ZNF142: variants seen among roughly 807,000 people sequenced by gnomAD.
The protein encoded by ZNF142 is zinc finger protein 142 (clone pHZ-49).
Under a neutral mutation model 132.1 loss-of-function variants are expected in ZNF142, and 96 were observed. That is an observed-to-expected ratio of 0.73 (90% CI 0.62 to 0.86). The LOEUF is 0.86. Ranked by LOEUF, ZNF142 falls within the 40% of genes least tolerant of loss-of-function variation. The pLI, the probability that ZNF142 is intolerant of heterozygous loss-of-function variation, is 0.00. For synonymous variants in ZNF142, 842 were observed against 890.1 expected, an observed-to-expected ratio of 0.95 and a Z score of 0.96; for missense variants, 2,163 against 2,336.2, an observed-to-expected ratio of 0.93 and a Z score of 1.53.
chr2:218,638,399 C>G lies in ZNF142; in HGVS notation c.5604G>C (p.Val1868=). The change falls in exon 11 of 11, where the codon GTG becomes GTC. Residue 1868 remains valine (V), a synonymous_variant. Transcript: ENST00000411696. The part of the protein sequence containing the change: ...PTTPTVHLHD[V]QLEDPSPPAP... ...CAGGAGGGCTGGGATCCTCCAGCTGCACATCATGCAGGTGCACTGTGGGGG... is the reference window on the plus strand; with the variant it reads ...CAGGAGGGCTGGGATCCTCCAGCTGGACATCATGCAGGTGCACTGTGGGGG... 2 of 1,535,428 alleles carry G rather than the reference C, an allele frequency of 1.3e-6. No homozygotes were observed. The highest frequency in any genetic ancestry group is 2.5e-5 in the South Asian group (2 of 78,834).
rs1937708912 is a variant in ZNF142, at chr2:218,648,976, T to C, written c.1532A>G (p.His511Arg). The change falls in exon 7 of 11, where the codon CAT (histidine) becomes CGT (arginine). Residue 511 changes from histidine to arginine, a missense_variant. Physicochemically the swap from His to Arg is conservative, Grantham distance 29. This residue lies in a region of ZNF142 where 749 missense variants were observed against 830.3 expected (regional missense o/e 0.90). Transcript: ENST00000411696. ...GCGGCACTCCACAGCCCGCACCCCA[T>C]GGGTCTCCTTCAGGTGCTTAATGAA... ...KAFIKHLKET[H>R]GVRAVECRHH... 1.9e-6 allele frequency: 3 copies of C among 1,612,152 alleles called. No homozygotes were observed. The highest frequency in any genetic ancestry group is 2.5e-6 in the Non-Finnish European group (3 of 1,180,010).
chr2:218,644,690 T>C lies in ZNF142; in HGVS notation c.2426A>G (p.Tyr809Cys), dbSNP rs1697578085. 6.2e-7 allele frequency: 1 copy of C among 1,614,198 alleles called. No individual in the cohort carries two copies. The highest frequency in any genetic ancestry group is 2.2e-5 in the East Asian group (1 of 44,880). The change falls in exon 9 of 11, where the codon TAT (tyrosine) becomes TGT (cysteine). Residue 809 changes from tyrosine to cysteine, a missense_variant. Physicochemically the swap from Tyr to Cys is radical, Grantham distance 194. This residue lies in a region of ZNF142 where 749 missense variants were observed against 830.3 expected (regional missense o/e 0.90). Transcript: ENST00000411696. The surrounding 1 kb of genome is among the most constrained non-coding windows in gnomAD (Gnocchi z 4.6). ...VPGDQAWQLR[Y>C]ASQEPEGAMQ... ...GGCCCCTTCTGGCTCCTGGCTTGCA[T>C]AGCGGAGCTGCCAGGCCTGGTCTCC...
chr2:218,634,113 T>C lies in ZNF142; in HGVS notation c.*4226A>G. On this transcript the variant is annotated 3_prime_UTR_variant, in exon 11 of 11. Coordinates refer to ENST00000411696, the MANE Select transcript of ZNF142 (RefSeq NM_001379659.1). The surrounding 1 kb of genome is among the most constrained non-coding windows in gnomAD (Gnocchi z 4.0). ...TCTATACCCTTTTACAGGCAATGAG[T>C]TTGTGCAGCACAATACTTGGCAGTT... is the stretch of plus-strand genomic sequence containing the variant. The C allele has an allele frequency of 6.2e-7, 1 of 1,609,784 alleles. No individual in the cohort carries two copies.
Position 218,642,631 on chromosome 2 carries a change from G to T in ZNF142, c.4485C>A (p.Phe1495Leu), listed in dbSNP as rs750705187. ...GCTGCTTAAGTGCTGTCTCTGAGCT[G>T]AACTGGGCTTCACACTGGGAGCAGG... ...AFACSQCEAQ[F>L]SSETALKQHA... Residue 1495 changes from phenylalanine to leucine, a missense_variant, in exon 9 of 11, where the codon TTC (phenylalanine) becomes TTA (leucine). Transcript: ENST00000411696. The surrounding 1 kb of genome is among the most constrained non-coding windows in gnomAD (Gnocchi z 4.6). 1.9e-5 allele frequency: 30 copies of T among 1,613,964 alleles called. No homozygotes were observed. Among genetic ancestry groups the T allele is most frequent in the Admixed American group, 5.0e-5 (3 of 60,016 alleles).
Position 218,637,312 on chromosome 2 carries a change from G to A in ZNF142, c.*1027C>T, listed in dbSNP as rs1696820024. Reference sequence around the variant, plus strand: ...GGAGACCTCTTGCATGTGCTACATAGGAAGGACACAGAGTATGGCTTTTAA... The same window carrying A: ...GGAGACCTCTTGCATGTGCTACATAAGAAGGACACAGAGTATGGCTTTTAA... On this transcript the variant is annotated 3_prime_UTR_variant, in exon 11 of 11. Transcript: ENST00000411696. The A allele has an allele frequency of 6.1e-6, 1 of 165,116 alleles. No homozygotes were observed. The allele number at this position is 165,116 out of a possible 1,614,324, so 10.2% of individuals were successfully genotyped here.
rs56358619 is a variant in ZNF142 at position 218,654,372 on chromosome 2, C to CT, written c.280+1777dup. On this transcript the variant is annotated intron_variant, in intron 4 of 10. Coordinates refer to ENST00000411696, the MANE Select transcript of ZNF142 (RefSeq NM_001379659.1). ...TTTAATTTATGCCAAAATGCATCTC[C>CT]TTTTTTTTTTTTGAGACAGAATCTC... 1.8e-3 allele frequency among the ~76,000 whole-genome samples: 265 copies of CT among 147,290 alleles called. 1 individual carries two copies. Among genetic ancestry groups the CT allele is most frequent in the South Asian group, 3.2e-3 (15 of 4,698 alleles).
At position 218,643,739 on chromosome 2, in the gene ZNF142, G is replaced by A. The variant is rs754493829; in HGVS notation, c.3377C>T (p.Pro1126Leu). The change falls in exon 9 of 11, where the codon CCC becomes CTC. Residue 1126 changes from proline to leucine, a missense_variant. This residue lies in a region of ZNF142 where 809 missense variants were observed against 801.7 expected (regional missense o/e 1.01). Transcript: ENST00000411696. ...CTCTGCTTCTTGTGATGCAGGTGGG[G>A]GCTTCCCACTTTCTGTGTCCTCTGA... ...QASEDTESGK[P>L]PPASQEAELL... 1.9e-6 allele frequency: 3 copies of A among 1,609,358 alleles called. No homozygotes were observed. The highest frequency in any genetic ancestry group is 2.2e-5 in the South Asian group (2 of 90,468).
chr2:218,635,969 G>T lies in ZNF142; in HGVS notation c.*2370C>A. The T allele has an allele frequency of 6.2e-7, 1 of 1,613,484 alleles. No individual in the cohort carries two copies. Among genetic ancestry groups the T allele is most frequent in the South Asian group, 1.1e-5 (1 of 91,042 alleles). ...CAGTGCTGGGGAGGTGGGGGTAGGA[G>T]CATGATTAGTTTTCCTTCTAGTCTG... On this transcript the variant is annotated 3_prime_UTR_variant, in exon 11 of 11. Transcript: ENST00000411696.
rs759050060 is a variant in ZNF142, at chr2:218,643,931, C to T, written c.3185G>A (p.Arg1062His). Residue 1062 changes from arginine (R) to histidine (H), a missense_variant, in exon 9 of 11, where the codon CGC becomes CAC. Physicochemically the swap from Arg to His is conservative, Grantham distance 29 (BLOSUM62 0). This residue lies in a region of ZNF142 where 809 missense variants were observed against 801.7 expected (regional missense o/e 1.01). Coordinates refer to ENST00000411696, the MANE Select transcript of ZNF142 (RefSeq NM_001379659.1). ...CTCGGGGCACAGCAGGGGCTCTCGGCGGCCTTGGCACCCAGTCCTGGAGTG... is the reference window on the plus strand; with the variant it reads ...CTCGGGGCACAGCAGGGGCTCTCGGTGGCCTTGGCACCCAGTCCTGGAGTG... ...NLHSRTGCQGRREPLLCPECG... is the reference protein window; with the variant it reads ...NLHSRTGCQGHREPLLCPECG... 1.5e-5 allele frequency: 25 copies of T among 1,613,960 alleles called. No individual in the cohort carries two copies. The highest frequency in any genetic ancestry group is 1.6e-4 in the Middle Eastern group (1 of 6,084).
rs771964200 is a variant in ZNF142 at position 218,643,920 on chromosome 2, G to A, written c.3196C>T (p.Leu1066=). Reference sequence around the variant, plus strand: ...CTAGCCCCACACTCGGGGCACAGCAGGGGCTCTCGGCGGCCTTGGCACCCA... The same window carrying A: ...CTAGCCCCACACTCGGGGCACAGCAAGGGCTCTCGGCGGCCTTGGCACCCA... The part of the protein sequence containing the change: ...RTGCQGRREP[L]LCPECGASFK... Residue 1066 remains leucine (L), a synonymous_variant, in exon 9 of 11, where the codon CTG becomes TTG. Transcript: ENST00000411696. 1.9e-6 allele frequency: 3 copies of A among 1,614,056 alleles called. No homozygotes were observed. The Admixed American group carries it at 5.0e-5, about 27-fold the overall frequency.
intron 4 of ZNF142, among the ~76,000 whole-genome samples, chr2:218,654,357 G>A (rs767169281): frequency 3.4e-5 from 5 of 146,994 alleles, no homozygotes; most frequent in Non-Finnish European, 7.4e-5. Context: ...TTTAATTTAT[G>A]CCAAAATGCA....
rs1448076956 is a variant in ZNF142 at position 218,643,552 on chromosome 2, T to C, written c.3564A>G (p.Gly1188=). Residue 1188 remains glycine, a synonymous_variant, in exon 9 of 11, where the codon GGA becomes GGG. Coordinates refer to ENST00000411696, the MANE Select transcript of ZNF142 (RefSeq NM_001379659.1). ...TAGGGGCCTCCGTGGGTGAGGAGTT[T>C]CCTGCAGGAGGGACTGGGTCAAAGC... The part of the protein sequence containing the change: ...KHCFDPVPPA[G]NSSPTEAPKK... 1.2e-6 allele frequency: 2 copies of C among 1,606,368 alleles called. No individual in the cohort carries two copies. Among genetic ancestry groups the C allele is most frequent in the Non-Finnish European group, 1.7e-6 (2 of 1,175,540 alleles).
intron 10 of ZNF142, among the ~76,000 whole-genome samples, chr2:218,639,601 G>A (rs533621720): frequency 2.6e-5 from 4 of 152,054 alleles, no homozygotes; most frequent in East Asian, 1.9e-4. Flanking sequence ...GCGTGGTGGC[G>A]TGCACTTGTA....
chr2:218,648,857 C>A lies in ZNF142; in HGVS notation c.1651G>T (p.Ala551Ser), dbSNP rs1245999248. ...YAFHCPHCDF[A>S]CSNKHLFRKH... Reference sequence around the variant, plus strand: ...CGGAATAGGTGCTTATTGGAACAAGCAAAATCACAGTGGGGGCAGTGGAAG... The same window carrying A: ...CGGAATAGGTGCTTATTGGAACAAGAAAAATCACAGTGGGGGCAGTGGAAG... The change falls in exon 7 of 11, where the codon GCT becomes TCT. Residue 551 changes from alanine (A) to serine (S), a missense_variant. Ala to Ser is a moderately conservative substitution (Grantham distance 99). Transcript: ENST00000411696. 2 of 1,614,214 alleles carry A rather than the reference C, an allele frequency of 1.2e-6. No homozygotes were observed. Among genetic ancestry groups the A allele is most frequent in the Admixed American group, 1.7e-5 (1 of 60,032 alleles).
rs958818348 is a variant in ZNF142, at chr2:218,646,829, C to T, written c.1874-481G>A. ...CTCGAACTCCTGACCTTAGGTGATC[C>T]GCCCGCCTTGGCCTCCTAAAGTGTT... is the stretch of plus-strand genomic sequence containing the variant. On this transcript the variant is annotated intron_variant, in intron 7 of 10. Transcript: ENST00000411696. Among the ~76,000 whole-genome samples the T allele has an allele frequency of 2.0e-5, 3 of 152,082 alleles. No homozygotes were observed. In the South Asian group the frequency reaches 6.2e-4, roughly 32 times the overall value.
At chr2:218,653,031 G>A (rs1295421929) in intron 4 of ZNF142, among the ~76,000 whole-genome samples, 2 of 151,614 alleles carry the variant, frequency 1.3e-5, no homozygotes, top group Admixed American at 6.6e-5. Context: ...CTGTAATCTT[G>A]GCACTTTGGG....
Position 218,648,804 on chromosome 2 carries a change from G to A in ZNF142, c.1704C>T (p.Gly568=), listed in dbSNP as rs749099820. The change falls in exon 7 of 11, where the codon GGC becomes GGT. Residue 568 remains glycine (G), a synonymous_variant. Coordinates refer to ENST00000411696, the MANE Select transcript of ZNF142 (RefSeq NM_001379659.1). ...FRKHKKQGHP[G]SEELRCTFCP... The stretch of plus-strand genomic sequence containing the variant: ...AGAAGGTGCAGCGCAGCTCTTCACT[G>A]CCAGGGTGGCCCTGCTTCTTGTGTT... 8.7e-6 allele frequency: 14 copies of A among 1,614,174 alleles called. No individual in the cohort carries two copies. Among genetic ancestry groups the A allele is most frequent in the Non-Finnish European group, 1.2e-5 (14 of 1,180,002 alleles).
Position 218,638,401 on chromosome 2 carries a change from C to T in ZNF142, c.5602G>A (p.Val1868Met). ...PTTPTVHLHD[V>M]QLEDPSPPAP... ...GGAGGGCTGGGATCCTCCAGCTGCA[C>T]ATCATGCAGGTGCACTGTGGGGGTG... is the stretch of plus-strand genomic sequence containing the variant. The change falls in exon 11 of 11, where the codon GTG (valine) becomes ATG (methionine). Residue 1868 changes from valine (V) to methionine (M), a missense_variant. Coordinates refer to ENST00000411696, the MANE Select transcript of ZNF142 (RefSeq NM_001379659.1). 3.3e-6 allele frequency: 5 copies of T among 1,538,314 alleles called. No individual in the cohort carries two copies. Among genetic ancestry groups the T allele is most frequent in the Non-Finnish European group, 4.4e-6 (5 of 1,138,712 alleles).
chr2:218,645,184 T>C (rs1305073014), intron 8 of ZNF142, 120 bp from the exon 9 acceptor site: 3 of 1,284,134 alleles, frequency 2.3e-6, no homozygotes, highest in African/African-American at 3.0e-5. Flanking sequence ...TGTCACCTGA[T>C]GTAACCCTCC....
Sources: allele counts gnomAD v4.1 joint callset (sites outside exome capture counted in the v4.1 genomes callset), GRCh38; gene constraint gnomAD v4.1.1; regional missense constraint gnomAD v4.1.1; non-coding constraint Gnocchi (gnomAD v3.1); transcripts MANE v1.5; gene names NCBI Gene and HGNC (gene_info 2026-07-23, HGNC 2026-07-21).